KCNN2: variants seen among roughly 807,000 people sequenced by gnomAD.
KCNN2 encodes potassium calcium-activated channel subfamily N member 2, also known as small conductance calcium-activated potassium channel protein 2.
In KCNN2, 24 loss-of-function variants were observed where a neutral mutation model predicts 55.5. That is an observed-to-expected ratio of 0.43 (90% CI 0.31 to 0.61). KCNN2 has a LOEUF of 0.61. Ranked by LOEUF, KCNN2 falls within the 20% of genes least tolerant of loss-of-function variation. KCNN2 has a pLI of 0.08. For missense variants in KCNN2, 754 were observed against 853.6 expected (o/e 0.88, Z 1.45); for synonymous variants, 431 against 336.1 (o/e 1.28, Z -3.09).
At chr5:114,067,162 A>C (rs768597989) in intron 1 of KCNN2, among the ~76,000 whole-genome samples, 1 of 152,222 alleles carries the variant, frequency 6.6e-6, no homozygotes, top group Non-Finnish European at 1.5e-5. Flanking sequence ...AGGATCTGCC[A>C]CAGGGACCAG....
At chr5:114,071,452 C>T (rs1260023278) in intron 1 of KCNN2, among the ~76,000 whole-genome samples, 3 of 152,166 alleles carry the variant, frequency 2.0e-5, no homozygotes, top group Non-Finnish European at 4.4e-5. Context: ...CATGCTTGTA[C>T]CATAGATGCA....
intron 1 of KCNN2, among the ~76,000 whole-genome samples, chr5:114,079,844 TGAGAGAGA>T (rs370135875): frequency 5.4e-5 from 8 of 149,442 alleles, no homozygotes; most frequent in African/African-American, 9.8e-5. Context: ...TGTGTGTGTG[TGAGAGAGA>T]GAGAGAGAGA....
chr5:114,493,273 C>T, intron 6 of KCNN2, 130 bp from the exon 7 acceptor site: 1 of 743,264 alleles, frequency 1.3e-6, no homozygotes. Context: ...CCAGTTTGGA[C>T]TTACCCCAAA....
intron 2 of KCNN2, among the ~76,000 whole-genome samples, chr5:114,339,727 C>T (rs189713916): frequency 9.2e-4 from 140 of 152,078 alleles, no homozygotes; most frequent in African/African-American, 3.3e-3. Context: ...TGCTTGAGCC[C>T]AGGAGGTGGA....
chr5:114,226,843 G>T (rs923943196), intron 2 of KCNN2, among the ~76,000 whole-genome samples: 1 of 145,990 alleles, frequency 6.8e-6, no homozygotes, highest in South Asian at 2.2e-4. Context: ...GGAGCTTGCA[G>T]TGAGCTGAGA....
chr5:114,163,542 T>C (rs563552694), intron 1 of KCNN2, among the ~76,000 whole-genome samples: 35 of 152,368 alleles, frequency 2.3e-4, no homozygotes, highest in African/African-American at 8.2e-4. Context: ...TCTATTGAGA[T>C]CATCATGTGG....
intron 2 of KCNN2, among the ~76,000 whole-genome samples, chr5:114,229,186 G>C (rs1199938266): frequency 1.3e-5 from 2 of 151,782 alleles, no homozygotes; most frequent in African/African-American, 4.8e-5. Context: ...GTTTCATAGA[G>C]AGTCATATGA....
At chr5:114,431,280 C>A (rs1759784394) in intron 3 of KCNN2, among the ~76,000 whole-genome samples, 1 of 151,782 alleles carries the variant, frequency 6.6e-6, no homozygotes, top group Non-Finnish European at 1.5e-5. Flanking sequence ...AGATATGGGC[C>A]TCTTTAGTTA....
At chr5:114,414,818 A>G (rs1448952267) in intron 3 of KCNN2, among the ~76,000 whole-genome samples, 1 of 152,168 alleles carries the variant, frequency 6.6e-6, no homozygotes, top group African/African-American at 2.4e-5. Flanking sequence ...TTTTAAAACA[A>G]CTTTATTGAG....
Position 114,142,271 on chromosome 5 carries a change from C to G in KCNN2, c.-270-79209C>G, listed in dbSNP as rs543288597. 2.6e-5 allele frequency among the ~76,000 whole-genome samples: 4 copies of G among 152,186 alleles called. No individual in the cohort carries two copies. In the South Asian group the frequency reaches 8.3e-4, roughly 32 times the overall value. ...AGGGTTTTTATGGTTTTAGGTCTAA[C>G]GTTTAAGTCTTTAATCCATCTTGAA... On this transcript the variant is annotated intron_variant, in intron 1 of 10. Transcript: ENST00000512097.
intron 4 of KCNN2, among the ~76,000 whole-genome samples, chr5:114,467,115 C>T (rs1002279255): frequency 2.6e-5 from 4 of 152,102 alleles, no homozygotes; most frequent in Non-Finnish European, 5.9e-5. Context: ...CACATGGTGA[C>T]TCCATTAGTT....
At chr5:114,140,067 ATATG>A (rs1752246454) in intron 1 of KCNN2, among the ~76,000 whole-genome samples, 1 of 152,134 alleles carries the variant, frequency 6.6e-6, no homozygotes, top group Admixed American at 6.5e-5. Context: ...TTTTATATAA[ATATG>A]TAAGTTTTTT....
At chr5:114,344,021 G>A (rs750086410) in intron 2 of KCNN2, among the ~76,000 whole-genome samples, 8 of 152,272 alleles carry the variant, frequency 5.3e-5, no homozygotes, top group Middle Eastern at 3.4e-3. Flanking sequence ...ACATGCACTG[G>A]AACTGAAACT....
intron 1 of KCNN2, among the ~76,000 whole-genome samples, chr5:114,190,971 T>C (rs1049814045): frequency 1.3e-5 from 2 of 152,102 alleles, no homozygotes; most frequent in African/African-American, 4.8e-5. Context: ...ATTAGACTAT[T>C]TTTAGGATGA....
At chr5:114,390,326 C>A (rs1402258495) in intron 2 of KCNN2, among the ~76,000 whole-genome samples, 1 of 152,056 alleles carries the variant, frequency 6.6e-6, no homozygotes, top group Non-Finnish European at 1.5e-5. Flanking sequence ...AATTTATAAA[C>A]CATTAAAATA....
chr5:114,085,258 C>T (rs998377858), intron 1 of KCNN2, among the ~76,000 whole-genome samples: 4 of 151,824 alleles, frequency 2.6e-5, no homozygotes, highest in African/African-American at 7.3e-5. Context: ...TACAAAGCAG[C>T]TTACTGGGAT....
At chr5:114,162,643 G>T (rs907824259) in intron 1 of KCNN2, among the ~76,000 whole-genome samples, 37 of 152,202 alleles carry the variant, frequency 2.4e-4, no homozygotes, top group African/African-American at 8.9e-4. Context: ...GCTGTGGTGG[G>T]CTCCACCCAG....
intron 2 of KCNN2, among the ~76,000 whole-genome samples, chr5:114,268,467 C>A (rs553042530): frequency 6.6e-6 from 1 of 152,334 alleles, no homozygotes; most frequent in Non-Finnish European, 1.5e-5. Flanking sequence ...TTTATTTCTG[C>A]AGTTTGCACT....
chr5:114,392,670 T>C (rs895640995), intron 2 of KCNN2, among the ~76,000 whole-genome samples: 2 of 152,142 alleles, frequency 1.3e-5, no homozygotes, highest in Non-Finnish European at 2.9e-5. Flanking sequence ...AAAAGTCATC[T>C]CTCCCTTTCT....
Sources: allele counts gnomAD v4.1 joint callset (sites outside exome capture counted in the v4.1 genomes callset), GRCh38; gene constraint gnomAD v4.1.1; transcripts MANE v1.5; gene names NCBI Gene and HGNC (gene_info 2026-07-23, HGNC 2026-07-21).